Variants in BLMH observed in about 807,000 individuals in gnomAD.
BLMH encodes BLM hydrolase.
Under a neutral mutation model 61.6 loss-of-function variants are expected in BLMH, and 32 were observed. The ratio of observed to expected loss-of-function variants is 0.52; its 90% confidence interval spans 0.39 to 0.70. The LOEUF (loss-of-function observed/expected upper bound fraction) is 0.70. Among genes scored for constraint, BLMH ranks in the 30% least tolerant of loss-of-function variants. The pLI is 0.00. For synonymous variants in BLMH, 183 were observed against 193.8 expected (o/e 0.94, Z 0.46); for missense variants, 460 against 555.5 (o/e 0.83, Z 1.73).
chr17:30,280,616 A>T (rs1291606434), intron 6 of BLMH, among the ~76,000 whole-genome samples: 1 of 152,078 alleles, frequency 6.6e-6, no homozygotes, highest in African/African-American at 2.4e-5. Flanking sequence ...AGCTAGAATT[A>T]CAGGCACGCA....
intron 11 of BLMH, among the ~76,000 whole-genome samples, chr17:30,256,397 C>T (rs1907815928): frequency 6.6e-6 from 1 of 152,182 alleles, no homozygotes; most frequent in Non-Finnish European, 1.5e-5. Context: ...GGCGTGATCT[C>T]AGTTCACTGC....
At chr17:30,273,909 G>A (rs1908347505) in intron 7 of BLMH, 133 bp downstream of exon 7, 8 of 1,109,302 alleles carry the variant, frequency 7.2e-6, no homozygotes, top group Non-Finnish European at 7.9e-6. Flanking sequence ...TACTTCAGAG[G>A]AAGTGGGGAA....
At chr17:30,264,792 G>A (rs1908055179) in intron 11 of BLMH, among the ~76,000 whole-genome samples, 2 of 152,140 alleles carry the variant, frequency 1.3e-5, no homozygotes, top group Non-Finnish European at 1.5e-5. Flanking sequence ...GGAAGCAACA[G>A]GAAAACTTTA....
rs149961528 is a variant in BLMH, at chr17:30,270,936, T to C, written c.1146+335A>G. ...CATAGGTCATCAAGATATGAACACT[T>C]TCAGGGCACATTTTGATTCCTTATA... is the stretch of plus-strand genomic sequence containing the variant. On this transcript the variant is annotated intron_variant, in intron 10 of 11. Transcript: ENST00000261714. 5.1e-4 allele frequency among the ~76,000 whole-genome samples: 77 copies of C among 152,300 alleles called. 1 individual carries two copies. The highest frequency in any genetic ancestry group is 1.7e-3 in the African/African-American group (72 of 41,564).
intron 11 of BLMH, chr17:30,250,145 C>T (rs949889981): frequency 7.9e-5 from 12 of 152,134 alleles, no homozygotes; most frequent in East Asian, 1.9e-4. Flanking sequence ...AAGATAACAT[C>T]GGAAAAACTC....
chr17:30,274,011 C>A, intron 7 of BLMH, 31 bp downstream of exon 7: 1 of 1,612,032 alleles, frequency 6.2e-7, no homozygotes, highest in South Asian at 1.1e-5. Flanking sequence ...TGAAAGTAAA[C>A]AGCCAGTGAC....
At chr17:30,254,734 T>A (rs1207577386) in intron 11 of BLMH, among the ~76,000 whole-genome samples, 1 of 152,168 alleles carries the variant, frequency 6.6e-6, no homozygotes, top group African/African-American at 2.4e-5. Flanking sequence ...CTTGGAAACA[T>A]GAAAGGAGGA....
chr17:30,252,865 T>C (rs1363499567), intron 11 of BLMH, among the ~76,000 whole-genome samples: 2 of 152,156 alleles, frequency 1.3e-5, no homozygotes, highest in African/African-American at 2.4e-5. Flanking sequence ...CCTGGCTTTG[T>C]TGGTGTCAGG....
intron 6 of BLMH, among the ~76,000 whole-genome samples, chr17:30,282,934 G>C (rs1908631276): frequency 6.6e-6 from 1 of 152,222 alleles, no homozygotes; most frequent in South Asian, 2.1e-4. Flanking sequence ...GGAGGCTAAG[G>C]TGGGAGGACT....
At chr17:30,256,318 A>T (rs1214381780) in intron 11 of BLMH, among the ~76,000 whole-genome samples, 1 of 152,038 alleles carries the variant, frequency 6.6e-6, no homozygotes, top group African/African-American at 2.4e-5. Flanking sequence ...TATATTTTCT[A>T]GCCTACTAAC....
chr17:30,291,605 G>C, intron 1 of BLMH, 97 bp from the exon 2 acceptor site: 1 of 1,494,934 alleles, frequency 6.7e-7, no homozygotes, highest in Non-Finnish European at 9.1e-7. Flanking sequence ...AGCGCATCCT[G>C]GGGTGCCCGC....
rs766353629 is a variant in BLMH, at chr17:30,249,096, G to C, written c.1289C>G (p.Pro430Arg). ...CTCTAACACAGCTAGCACCTCTTCA[G>C]GGACATGCTTCCTGTCCACCACCAC... is the stretch of plus-strand genomic sequence containing the variant. ...YEVVVDRKHVPEEVLAVLEQE... is the reference protein window; with the variant it reads ...YEVVVDRKHVREEVLAVLEQE... Residue 430 changes from proline to arginine, a missense_variant, in exon 12 of 12, where the codon CCT (proline) becomes CGT (arginine). Physicochemically the swap from Pro to Arg is moderately radical, Grantham distance 103. Coordinates refer to ENST00000261714, the MANE Select transcript of BLMH (RefSeq NM_000386.4). 1.2e-6 allele frequency: 2 copies of C among 1,613,960 alleles called. No individual in the cohort carries two copies. The highest frequency in any genetic ancestry group is 2.7e-5 in the African/African-American group (2 of 74,926).
At chr17:30,255,492 TACTA>T (rs1325634582) in intron 11 of BLMH, among the ~76,000 whole-genome samples, 4 of 152,252 alleles carry the variant, frequency 2.6e-5, no homozygotes, top group Non-Finnish European at 4.4e-5. Flanking sequence ...TATACATAAT[TACTA>T]ACTTTCTTCT....
intron 9 of BLMH, 194 bp downstream of exon 9, chr17:30,272,367 C>G: frequency 1.6e-6 from 1 of 637,454 alleles, no homozygotes; most frequent in South Asian, 2.1e-5. Context: ...ATTTTGATGT[C>G]CTGGGTTAGA....
At position 30,250,329 on chromosome 17, in the gene BLMH, C is replaced by T. The variant is rs570554526; in HGVS notation, c.1217-1161G>A. On this transcript the variant is annotated intron_variant, in intron 11 of 11. Coordinates refer to ENST00000261714, the MANE Select transcript of BLMH (RefSeq NM_000386.4). ...AGAAAATCTTCGCAAACTATGATTC[C>T]GACAAAGGACTAACACCCAGAGTCT... 3.9e-5 allele frequency: 6 copies of T among 152,196 alleles called. No individual in the cohort carries two copies. In the South Asian group the frequency reaches 6.2e-4, roughly 16 times the overall value. The allele number at this position is 152,196 out of a possible 1,614,324, so 9.4% of individuals were successfully genotyped here.
rs923816476 is a variant in BLMH, at chr17:30,277,120, T to C, written c.646-2923A>G. Among the ~76,000 whole-genome samples the C allele has an allele frequency of 3.7e-4, 57 of 152,220 alleles. 1 individual carries two copies. Among genetic ancestry groups the C allele is most frequent in the Non-Finnish European group, 1.5e-5 (1 of 68,032 alleles). On this transcript the variant is annotated intron_variant, in intron 6 of 11. Coordinates refer to ENST00000261714, the MANE Select transcript of BLMH (RefSeq NM_000386.4). The stretch of plus-strand genomic sequence containing the variant: ...GCTTGCCTGTCATTTTGTTTTGTTC[T>C]GTTTTCCAAGAGAGAACCTTCCTTT...
intron 10 of BLMH, among the ~76,000 whole-genome samples, chr17:30,269,881 C>A (rs1908218790): frequency 6.6e-6 from 1 of 152,134 alleles, no homozygotes; most frequent in Non-Finnish European, 1.5e-5. Flanking sequence ...CCTCAGAGTT[C>A]TACTACTTAA....
chr17:30,273,876 C>A, intron 7 of BLMH, 166 bp downstream of exon 7: 1 of 809,942 alleles, frequency 1.2e-6, no homozygotes. Context: ...CCTGGCACCA[C>A]CAACTTCATT....
intron 11 of BLMH, among the ~76,000 whole-genome samples, chr17:30,262,320 A>C (rs1347079165): frequency 1.3e-5 from 2 of 152,226 alleles, no homozygotes; most frequent in Admixed American, 6.5e-5. Flanking sequence ...GTTTCATAGT[A>C]AGACTGGTTC....
Sources: allele counts gnomAD v4.1 joint callset (sites outside exome capture counted in the v4.1 genomes callset), GRCh38; gene constraint gnomAD v4.1.1; transcripts MANE v1.5; gene names NCBI Gene and HGNC (gene_info 2026-07-23, HGNC 2026-07-21).